Variants in UBR4 observed in about 807,000 individuals in gnomAD.
The protein encoded by UBR4 is E3 ubiquitin-protein ligase UBR4.
A neutral mutation model predicts 575.6 loss-of-function variants in UBR4; 124 were observed. That is an observed-to-expected ratio of 0.22 (90% CI 0.19 to 0.25). The LOEUF (loss-of-function observed/expected upper bound fraction) is 0.25, where lower values mean the gene tolerates loss of function less well. UBR4 is among the 10% of genes least tolerant of loss of function. The pLI is 1.00. For synonymous variants in UBR4, 2,455 were observed against 2,473.7 expected (o/e 0.99, Z 0.22); for missense variants, 4,818 against 6,478.8 (o/e 0.74, Z 8.80).
chr1:19,109,342 T>C (rs2079578409), intron 81 of UBR4, among the ~76,000 whole-genome samples: 1 of 152,248 alleles, frequency 6.6e-6, no homozygotes, highest in Non-Finnish European at 1.5e-5. Flanking sequence ...TGGTTTCATT[T>C]ATTCACTTAA....
chr1:19,143,259 G>GAAGGAAGGAAGGAAGA (rs1444831970), intron 55 of UBR4, among the ~76,000 whole-genome samples: 8 of 91,624 alleles, frequency 8.7e-5, no homozygotes, highest in African/African-American at 2.5e-4. Flanking sequence ...AGGAAGGAAG[G>GAAGGAAGGAAGGAAGA]AAGAAAGAAA....
At chr1:19,158,497 G>C (rs1181725952) in intron 39 of UBR4, among the ~76,000 whole-genome samples, 1 of 151,978 alleles carries the variant, frequency 6.6e-6, no homozygotes, top group Non-Finnish European at 1.5e-5. Context: ...CCAGGTTGGA[G>C]TTCAGTGGTG....
rs1002298696 is a variant in UBR4, at chr1:19,126,306, G to A, written c.9438+140C>T. 37 of 948,698 alleles carry A rather than the reference G, an allele frequency of 3.9e-5. No individual in the cohort carries two copies. In the Admixed American group the frequency reaches 4.3e-4, roughly 11 times the overall value. 58.8% of individuals were successfully genotyped at this position (948,698 alleles called of 1,614,324 possible). On this transcript the variant is annotated intron_variant, in intron 64 of 105. Transcript: ENST00000375254. ...AAGTGGTCATTTATTCAATCACGCC[G>A]AGATTAACCCCCACCAAGGAATGCC...
intron 81 of UBR4, among the ~76,000 whole-genome samples, chr1:19,108,002 T>C (rs1033290972): frequency 2.6e-5 from 4 of 152,224 alleles, no homozygotes; most frequent in African/African-American, 9.7e-5. Flanking sequence ...TATAGTTAAA[T>C]TGTCATGACA....
At chr1:19,169,337 C>A in intron 27 of UBR4, 98 bp downstream of exon 27, 1 of 964,946 alleles carries the variant, frequency 1.0e-6, no homozygotes. Flanking sequence ...ATGAAGATAT[C>A]TTGGTAGCTA....
At chr1:19,193,058 TGA>T (rs1304546712) in intron 9 of UBR4, among the ~76,000 whole-genome samples, 1 of 152,070 alleles carries the variant, frequency 6.6e-6, no homozygotes, top group African/African-American at 2.4e-5. Flanking sequence ...ATCACAGGTG[TGA>T]GTCACCACAC....
intron 7 of UBR4, 68 bp downstream of exon 7, chr1:19,197,602 G>A (rs555746366): frequency 1.9e-6 from 3 of 1,579,444 alleles, no homozygotes; most frequent in South Asian, 2.3e-5. Flanking sequence ...ACTCCAGCCT[G>A]GGTGACAGAA....
At chr1:19,180,015 T>C (rs2151104470) in intron 17 of UBR4, among the ~76,000 whole-genome samples, 1 of 152,344 alleles carries the variant, frequency 6.6e-6, no homozygotes, top group South Asian at 2.1e-4. Flanking sequence ...TCAAGAGCAG[T>C]TTCCGTGGAC....
At chr1:19,103,986 T>C in intron 87 of UBR4, 98 bp downstream of exon 87, 1 of 1,419,050 alleles carries the variant, frequency 7.0e-7, no homozygotes, top group Non-Finnish European at 9.6e-7. Context: ...TTGCCACCCC[T>C]CCTCTGGATC....
intron 5 of UBR4, 123 bp from the exon 6 acceptor site, chr1:19,198,172 A>C: frequency 1.1e-6 from 1 of 951,128 alleles, no homozygotes; most frequent in South Asian, 1.6e-5. Context: ...AAAATTCCTT[A>C]CTCATGTTGG....
intron 11 of UBR4, among the ~76,000 whole-genome samples, chr1:19,191,259 C>T (rs1448712878): frequency 6.6e-6 from 1 of 152,078 alleles, no homozygotes; most frequent in African/African-American, 2.4e-5. Context: ...CATTTGAGGC[C>T]AAGAGTTCGA....
chr1:19,183,725 A>C (rs1014411066), intron 17 of UBR4, 86 bp downstream of exon 17: 3 of 1,419,474 alleles, frequency 2.1e-6, no homozygotes, highest in Middle Eastern at 2.0e-4. Flanking sequence ...CCATCTCAAA[A>C]AAACAAACAA....
At chr1:19,114,694 CTG>C (rs2080286485) in intron 75 of UBR4, 115 bp downstream of exon 75, 3 of 1,332,640 alleles carry the variant, frequency 2.3e-6, no homozygotes, top group South Asian at 2.9e-5. Context: ...GGCCCTGAAA[CTG>C]GTGTTGAGTC....
chr1:19,202,165 C>G (rs956172665), intron 1 of UBR4, among the ~76,000 whole-genome samples: 3 of 152,108 alleles, frequency 2.0e-5, no homozygotes, highest in Non-Finnish European at 4.4e-5. Context: ...TGCACTCCAG[C>G]CTGGGTGATA....
In UBR4 at chr1:19,165,304, G is replaced by C; in HGVS notation, c.4257C>G (p.Leu1419=). 1 of 1,614,204 alleles carries C rather than the reference G, an allele frequency of 6.2e-7. No individual in the cohort carries two copies. Among genetic ancestry groups the C allele is most frequent in the Non-Finnish European group, 8.5e-7 (1 of 1,180,032 alleles). ...AAACTCGGTTACAGAATTTAGCAGA[G>C]AGGTTCTCATTGGCTGTTGCCATCA... ...QIMMATANEN[L]SAKFCNRVLK... The change falls in exon 31 of 106, where the codon CTC becomes CTG. Residue 1419 remains leucine, a synonymous_variant. Coordinates refer to ENST00000375254, the MANE Select transcript of UBR4 (RefSeq NM_020765.3).
At chr1:19,128,462 G>T (rs887010705) in intron 61 of UBR4, 144 bp from the exon 62 acceptor site, 2 of 698,800 alleles carry the variant, frequency 2.9e-6, no homozygotes, top group Non-Finnish European at 4.7e-6. Flanking sequence ...TAAATTCCAG[G>T]TATCCAAAGC....
At chr1:19,118,004 G>C (rs1237092753) in intron 71 of UBR4, 94 bp from the exon 72 acceptor site, 2 of 1,149,226 alleles carry the variant, frequency 1.7e-6, no homozygotes, top group Non-Finnish European at 2.6e-6. Flanking sequence ...GGCTCAATGT[G>C]AGCCAAAGTG....
Position 19,197,736 on chromosome 1 carries a change from G to C in UBR4, c.827C>G (p.Ala276Gly). The change falls in exon 7 of 106, where the codon GCA becomes GGA. Residue 276 changes from alanine (A) to glycine (G), a missense_variant. Physicochemically the swap from Ala to Gly is moderately conservative, Grantham distance 60. Around this residue, in one of 29 missense-constraint regions of UBR4, gnomAD observed 131 missense variants for 214.5 expected, o/e 0.61. Transcript: ENST00000375254. ...TATGAAGAAGGAATTAGCTAAAACT[G>C]CATCTTGGAACCGATTGATATAGCG... ...FLRYINRFQD[A>G]VLANSFFIMP... The C allele has an allele frequency of 1.2e-6, 2 of 1,614,224 alleles. No individual in the cohort carries two copies. Among genetic ancestry groups the C allele is most frequent in the Non-Finnish European group, 1.7e-6 (2 of 1,180,044 alleles).
At chr1:19,186,710 C>T (rs1055907835) in intron 13 of UBR4, 53 bp from the exon 14 acceptor site, 6 of 1,518,630 alleles carry the variant, frequency 4.0e-6, no homozygotes, top group Admixed American at 3.5e-5. Context: ...TCTCATGCAT[C>T]GCATGAAAAC....
Sources: gnomAD v4.1 joint callset for allele counts (sites outside exome capture counted in the v4.1 genomes callset) on GRCh38, gnomAD v4.1.1 for gene constraint, gnomAD v4.1.1 regional missense constraint, MANE v1.5 for transcripts, NCBI Gene and HGNC (gene_info 2026-07-23, HGNC 2026-07-21) for gene names.